ZDHHC2: variants seen among roughly 807,000 people sequenced by gnomAD.
The protein encoded by ZDHHC2 is palmitoyltransferase ZDHHC2.
Under a neutral mutation model 55.6 loss-of-function variants are expected in ZDHHC2, and 51 were observed. That is an observed-to-expected ratio of 0.92 (90% CI 0.73 to 1.16). ZDHHC2 has a LOEUF of 1.16. Among genes scored for constraint, ZDHHC2 ranks in the 50% most tolerant of loss-of-function variants. ZDHHC2 has a pLI of 0.00. For missense variants in ZDHHC2, 491 were observed against 442.4 expected (o/e 1.11, Z -0.99); for synonymous variants, 199 against 152.9 (o/e 1.30, Z -2.22).
At chr8:17,187,813 A>T (rs1805792242) in intron 3 of ZDHHC2, among the ~76,000 whole-genome samples, 1 of 152,144 alleles carries the variant, frequency 6.6e-6, no homozygotes, top group African/African-American at 2.4e-5. Context: ...ACTCCCCCTT[A>T]AATTTCAAAC....
In ZDHHC2 at chr8:17,163,574, A is replaced by T. The variant is rs544817863; in HGVS notation, c.130+6721A>T. Among the ~76,000 whole-genome samples, 3 of 152,272 alleles carry T rather than the reference A, an allele frequency of 2.0e-5. No individual in the cohort carries two copies. The East Asian group carries it at 5.8e-4, about 29-fold the overall frequency. ...TTCTCAGAAAAATAGAGCTATACTTACATTTCATAATTTATACTGCTGATT... is the reference window on the plus strand; with the variant it reads ...TTCTCAGAAAAATAGAGCTATACTTTCATTTCATAATTTATACTGCTGATT... On this transcript the variant is annotated intron_variant, in intron 1 of 12. Transcript: ENST00000262096.
intron 1 of ZDHHC2, among the ~76,000 whole-genome samples, chr8:17,177,878 G>A (rs1487144027): frequency 6.6e-6 from 1 of 151,968 alleles, no homozygotes; most frequent in Non-Finnish European, 1.5e-5. Context: ...GTGTGTATGA[G>A]CAATAAAGGT....
chr8:17,209,056 C>A (rs1807244466), intron 8 of ZDHHC2, among the ~76,000 whole-genome samples: 1 of 152,066 alleles, frequency 6.6e-6, no homozygotes, highest in Admixed American at 6.6e-5. Flanking sequence ...CCAAAAACAA[C>A]ATTTTACATT....
chr8:17,215,620 T>C (rs748728026), intron 11 of ZDHHC2, among the ~76,000 whole-genome samples: 23 of 152,174 alleles, frequency 1.5e-4, no homozygotes, highest in Admixed American at 8.5e-4. Context: ...AATAAAATGA[T>C]AGAAGTAAAT....
chr8:17,200,248 G>A (rs547780549), intron 6 of ZDHHC2, among the ~76,000 whole-genome samples: 20 of 152,272 alleles, frequency 1.3e-4, no homozygotes, highest in African/African-American at 4.8e-4. Flanking sequence ...CTTCTACCTG[G>A]GTAGTTTCGT....
In ZDHHC2 at chr8:17,196,871, A is replaced by T. The variant is rs532819147; in HGVS notation, c.374-711A>T. On this transcript the variant is annotated intron_variant, in intron 4 of 12. Coordinates refer to ENST00000262096, the MANE Select transcript of ZDHHC2 (RefSeq NM_016353.5). ...GGCTACAGTGAGCTGAGATGACACC[A>T]GTGCACTCCAGCCTAGGTGACAGTG... Among the ~76,000 whole-genome samples the T allele has an allele frequency of 2.0e-5, 3 of 152,186 alleles. No individual in the cohort carries two copies. In the South Asian group the frequency reaches 6.2e-4, roughly 32 times the overall value.
At chr8:17,170,603 C>T (rs187268001) in intron 1 of ZDHHC2, among the ~76,000 whole-genome samples, 1 of 152,240 alleles carries the variant, frequency 6.6e-6, no homozygotes, top group African/African-American at 2.4e-5. Flanking sequence ...TAGAACGTTG[C>T]CTGTTTCCTT....
chr8:17,219,657 T>A (rs1807822461), intron 12 of ZDHHC2, among the ~76,000 whole-genome samples: 1 of 152,038 alleles, frequency 6.6e-6, no homozygotes, highest in East Asian at 1.9e-4. Flanking sequence ...TCCCAGCCAC[T>A]CCAGAGGCTG....
intron 1 of ZDHHC2, among the ~76,000 whole-genome samples, chr8:17,167,659 C>T (rs992228731): frequency 1.3e-5 from 2 of 151,908 alleles, no homozygotes; most frequent in African/African-American, 4.8e-5. Flanking sequence ...TCTTTCTGGA[C>T]ATTAAAATGC....
chr8:17,198,995 CT>C (rs77029522), intron 6 of ZDHHC2, among the ~76,000 whole-genome samples: 26,916 of 152,024 alleles, frequency 0.18, 2,833 homozygotes, highest in Admixed American at 0.28. Flanking sequence ...ATTTTCCTTC[CT>C]TTTCCTATAA....
intron 10 of ZDHHC2, 33 bp from the exon 11 acceptor site, chr8:17,215,201 TATG>T: frequency 6.6e-7 from 1 of 1,517,942 alleles, no homozygotes; most frequent in Non-Finnish European, 8.9e-7. Context: ...AAAATTAGCT[TATG>T]ATGATTTTGA....
chr8:17,188,238 C>G (rs939137654), intron 3 of ZDHHC2, among the ~76,000 whole-genome samples: 4 of 152,154 alleles, frequency 2.6e-5, no homozygotes, highest in African/African-American at 9.6e-5. Flanking sequence ...TCCCAGAACC[C>G]CACAAAACTT....
intron 1 of ZDHHC2, among the ~76,000 whole-genome samples, chr8:17,159,117 G>C (rs1335832184): frequency 2.0e-5 from 3 of 152,138 alleles, no homozygotes; most frequent in Admixed American, 6.5e-5. Flanking sequence ...TAGGCACTGG[G>C]AAAGATGGCG....
At chr8:17,192,325 A>G (rs1806076574) in intron 3 of ZDHHC2, among the ~76,000 whole-genome samples, 1 of 152,206 alleles carries the variant, frequency 6.6e-6, no homozygotes, top group Non-Finnish European at 1.5e-5. Flanking sequence ...GAACTGGGGT[A>G]CGATGATAAC....
intron 7 of ZDHHC2, 77 bp downstream of exon 7, chr8:17,205,852 C>A: frequency 7.2e-7 from 1 of 1,384,716 alleles, no homozygotes; most frequent in Non-Finnish European, 9.7e-7. Flanking sequence ...AGAATTATTT[C>A]CGACACTGAC....
intron 3 of ZDHHC2, among the ~76,000 whole-genome samples, chr8:17,193,931 C>A (rs1294552266): frequency 1.3e-5 from 2 of 152,166 alleles, no homozygotes; most frequent in Admixed American, 6.5e-5. Flanking sequence ...ATCCCCACCC[C>A]ACGACAGGCC....
chr8:17,172,082 G>A (rs886738330), intron 1 of ZDHHC2, among the ~76,000 whole-genome samples: 16 of 151,994 alleles, frequency 1.1e-4, no homozygotes, highest in Non-Finnish European at 1.5e-4. Flanking sequence ...CCAAAGCCCC[G>A]CGTCTATCAC....
chr8:17,187,192 A>G (rs1426005906), intron 3 of ZDHHC2, among the ~76,000 whole-genome samples: 1 of 152,222 alleles, frequency 6.6e-6, no homozygotes, highest in Non-Finnish European at 1.5e-5. Flanking sequence ...ACAACTAGCA[A>G]TCTCTGCTTC....
chr8:17,166,325 A>G (rs1397778618), intron 1 of ZDHHC2, among the ~76,000 whole-genome samples: 1 of 152,210 alleles, frequency 6.6e-6, no homozygotes, highest in Non-Finnish European at 1.5e-5. Context: ...TGTGTAAGAA[A>G]GAAAGGAGTC....
Sources: allele counts gnomAD v4.1 joint callset (sites outside exome capture counted in the v4.1 genomes callset), GRCh38; gene constraint gnomAD v4.1.1; transcripts MANE v1.5; gene names NCBI Gene and HGNC (gene_info 2026-07-23, HGNC 2026-07-21).